The following RYR3 variants were observed in gnomAD, a reference collection of about 807,000 sequenced individuals.
RYR3 encodes the protein ryanodine receptor 3.
RYR3 carries 207 observed loss-of-function variants against 584.3 expected under a neutral mutation model. That is an observed-to-expected ratio of 0.35 (90% CI 0.32 to 0.40). The LOEUF (loss-of-function observed/expected upper bound fraction) is 0.40. Among genes scored for constraint, RYR3 ranks in the 10% least tolerant of loss-of-function variants. The pLI, the probability that RYR3 is intolerant of heterozygous loss-of-function variation, is 1.00. For synonymous variants in RYR3, 2,416 were observed against 2,248.5 expected, an observed-to-expected ratio of 1.07 and a Z score of -2.11; for missense variants, 5,616 against 6,089.2, an observed-to-expected ratio of 0.92 and a Z score of 2.59.
At position 33,837,944 on chromosome 15, in the gene RYR3, G is replaced by T. The variant is rs761956900; in HGVS notation, c.11964G>T (p.Lys3988Asn). 3.1e-6 allele frequency: 5 copies of T among 1,613,992 alleles called. No individual in the cohort carries two copies. In the South Asian group the frequency reaches 5.5e-5, roughly 18 times the overall value. Reference protein sequence around the residue: ...DFVDRFHEPAKDIGFNVAVLL... With the variant: ...DFVDRFHEPANDIGFNVAVLL... ...TAGACCGGTTCCATGAGCCAGCCAAGGACATAGGGTTTAATGTGGCTGTGT... is the reference window on the plus strand; with the variant it reads ...TAGACCGGTTCCATGAGCCAGCCAATGACATAGGGTTTAATGTGGCTGTGT... Residue 3988 changes from lysine (K) to asparagine (N), a missense_variant, in exon 89 of 104, where the codon AAG (lysine) becomes AAT (asparagine). This residue lies in a region of RYR3 where 258 missense variants were observed against 297.3 expected (regional missense o/e 0.87). Coordinates refer to ENST00000634891, the MANE Select transcript of RYR3 (RefSeq NM_001036.6).
chr15:33,586,174 T>C, intron 16 of RYR3, 58 bp downstream of exon 16: 2 of 980,250 alleles, frequency 2.0e-6, no homozygotes, highest in Non-Finnish European at 1.7e-6. Flanking sequence ...CCAATGTTCA[T>C]GACCATTGTG....
chr15:33,755,386 C>T (rs796557170), intron 58 of RYR3, among the ~76,000 whole-genome samples: 56 of 152,094 alleles, frequency 3.7e-4, no homozygotes, highest in African/African-American at 8.4e-4. Context: ...TTTGGGAGGC[C>T]GAGGCGGGCG....
Position 33,643,001 on chromosome 15 carries a change from A to G in RYR3, c.3557-1310A>G, listed in dbSNP as rs571959749. 7.9e-5 allele frequency among the ~76,000 whole-genome samples: 12 copies of G among 152,362 alleles called. No individual in the cohort carries two copies. The South Asian group carries it at 8.3e-4, about 11-fold the overall frequency. Reference sequence around the variant, plus strand: ...CTTGCAAGAGATTTACGTTTCACTTATGTAACTTGTTATTTACATAGAAAT... The same window carrying G: ...CTTGCAAGAGATTTACGTTTCACTTGTGTAACTTGTTATTTACATAGAAAT... On this transcript the variant is annotated intron_variant, in intron 27 of 103. Transcript: ENST00000634891.
intron 48 of RYR3, among the ~76,000 whole-genome samples, chr15:33,735,995 T>A (rs1159919468): frequency 3.3e-5 from 5 of 152,240 alleles, no homozygotes; most frequent in African/African-American, 1.2e-4. Flanking sequence ...TAGAACATTT[T>A]GTCACATAGC....
At chr15:33,428,899 A>C (rs1298434760) in intron 1 of RYR3, among the ~76,000 whole-genome samples, 1 of 152,216 alleles carries the variant, frequency 6.6e-6, no homozygotes, top group Non-Finnish European at 1.5e-5. Flanking sequence ...CAGGTCCCCA[A>C]GTGTGACTTG....
chr15:33,645,236 C>G (rs1359579933), intron 28 of RYR3, among the ~76,000 whole-genome samples: 1 of 152,066 alleles, frequency 6.6e-6, no homozygotes, highest in African/African-American at 2.4e-5. Context: ...TTGTAAGGAG[C>G]CTAACTTTAG....
intron 38 of RYR3, among the ~76,000 whole-genome samples, chr15:33,688,671 T>A (rs1688673184): frequency 6.6e-6 from 1 of 150,464 alleles, no homozygotes. Flanking sequence ...AAAACCACAA[T>A]GAAATATCAT....
intron 64 of RYR3, among the ~76,000 whole-genome samples, chr15:33,778,194 T>TAAATA (rs1409887962): frequency 3.0e-4 from 45 of 151,906 alleles, no homozygotes; most frequent in Middle Eastern, 3.4e-3. Context: ...AATAAATAAA[T>TAAATA]AAAGCTATCA....
rs1215346675 is a variant in RYR3, at chr15:33,311,255, C to T, written c.51+159C>T. The stretch of plus-strand genomic sequence containing the variant: ...CAGAGGCGGACCGGCCACCTACCCG[C>T]GGGGCCGCGAGGGGCTGCGTGGGAA... On this transcript the variant is annotated intron_variant, in intron 1 of 103. Coordinates refer to ENST00000634891, the MANE Select transcript of RYR3 (RefSeq NM_001036.6). This position sits in a 1 kb window ranked among gnomAD's most constrained non-coding sequence, Gnocchi z 4.4. Among the ~76,000 whole-genome samples, 1 of 152,100 alleles carries T rather than the reference C, an allele frequency of 6.6e-6. No individual in the cohort carries two copies. The highest frequency in any genetic ancestry group is 2.4e-5 in the African/African-American group (1 of 41,444).
intron 1 of RYR3, among the ~76,000 whole-genome samples, chr15:33,400,466 C>T (rs1485407868): frequency 6.6e-6 from 1 of 152,184 alleles, no homozygotes; most frequent in Non-Finnish European, 1.5e-5. Context: ...AGTCTTTTTG[C>T]ATTCACGTGC....
At chr15:33,499,637 G>C (rs2051775266) in intron 2 of RYR3, among the ~76,000 whole-genome samples, 1 of 152,150 alleles carries the variant, frequency 6.6e-6, no homozygotes, top group Non-Finnish European at 1.5e-5. Flanking sequence ...CCTATTTTAA[G>C]CTGTTTAAGT....
intron 102 of RYR3, among the ~76,000 whole-genome samples, chr15:33,863,076 C>T (rs541977904): frequency 6.6e-6 from 1 of 152,270 alleles, no homozygotes; most frequent in South Asian, 2.1e-4. Context: ...GGATGCTGTC[C>T]TTTGGGTTGG....
chr15:33,556,714 T>G (rs1490960360), intron 10 of RYR3, among the ~76,000 whole-genome samples: 1 of 152,168 alleles, frequency 6.6e-6, no homozygotes, highest in Non-Finnish European at 1.5e-5. Flanking sequence ...GATTCCAGCA[T>G]TCTTCTTGCC....
At chr15:33,672,470 G>C (rs954048314) in intron 38 of RYR3, among the ~76,000 whole-genome samples, 2 of 152,164 alleles carry the variant, frequency 1.3e-5, no homozygotes, top group Non-Finnish European at 2.9e-5. Flanking sequence ...TCTATCTTGG[G>C]ATCCCAGAAA....
intron 1 of RYR3, among the ~76,000 whole-genome samples, chr15:33,423,656 G>T (rs1320257931): frequency 6.7e-6 from 1 of 148,680 alleles, no homozygotes; most frequent in Non-Finnish European, 1.5e-5. Flanking sequence ...TTATTTTCCA[G>T]GTTTTTTTTT....
chr15:33,375,830 C>T (rs2040684099), intron 1 of RYR3, among the ~76,000 whole-genome samples: 1 of 152,228 alleles, frequency 6.6e-6, no homozygotes, highest in African/African-American at 2.4e-5. Context: ...TCTGGGAGGC[C>T]GAGGCGGGCG....
rs760285564 is a variant in RYR3 at position 33,586,040 on chromosome 15, A to T, written c.1712A>T (p.Glu571Val). 6.2e-7 allele frequency: 1 copy of T among 1,613,684 alleles called. No homozygotes were observed. The highest frequency in any genetic ancestry group is 2.2e-5 in the East Asian group (1 of 44,872). ...VLHCILTESPEALNLIAEGHI... is the reference protein window; with the variant it reads ...VLHCILTESPVALNLIAEGHI... ...CACTGCATCTTAACTGAAAGCCCAG[A>T]AGCCTTAAATCTGATAGCGGAGGGC... Residue 571 changes from glutamate to valine, a missense_variant, in exon 16 of 104, where the codon GAA (glutamate) becomes GTA (valine). Around this residue, in one of 9 missense-constraint regions of RYR3, gnomAD observed 1,284 missense variants for 1,344.6 expected, o/e 0.95. Coordinates refer to ENST00000634891, the MANE Select transcript of RYR3 (RefSeq NM_001036.6).
intron 1 of RYR3, among the ~76,000 whole-genome samples, chr15:33,451,869 T>G (rs2141984788): frequency 6.6e-6 from 1 of 152,366 alleles, no homozygotes; most frequent in East Asian, 1.9e-4. Context: ...CTCATAAAAT[T>G]AAGGGATTTG....
intron 1 of RYR3, among the ~76,000 whole-genome samples, chr15:33,339,706 G>A (rs897773566): frequency 6.6e-6 from 1 of 152,192 alleles, no homozygotes; most frequent in Non-Finnish European, 1.5e-5. Flanking sequence ...TGGCTAACAC[G>A]GTGAAACCCC....
Sources: gnomAD v4.1 joint callset for allele counts (sites outside exome capture counted in the v4.1 genomes callset) on GRCh38, gnomAD v4.1.1 for gene constraint, gnomAD v4.1.1 regional missense constraint, Gnocchi (gnomAD v3.1) non-coding constraint, MANE v1.5 for transcripts, NCBI Gene and HGNC (gene_info 2026-07-23, HGNC 2026-07-21) for gene names.